Variants in GAREM1 observed in about 807,000 individuals in gnomAD.
GAREM1 encodes GRB2 associated regulator of MAPK1 subtype 1, also known as GRB2-associated and regulator of MAPK protein 1.
A neutral mutation model predicts 71.3 loss-of-function variants in GAREM1; 26 were observed. The observed-to-expected ratio is 0.36, with a 90% CI of 0.27 to 0.51. GAREM1 has a LOEUF of 0.51. Among genes scored for constraint, GAREM1 ranks in the 20% least tolerant of loss-of-function variants. The pLI is 0.95. For synonymous variants in GAREM1, 440 were observed against 433.2 expected, an observed-to-expected ratio of 1.02 and a Z score of -0.20; for missense variants, 1,026 against 1,103.1, an observed-to-expected ratio of 0.93 and a Z score of 0.99.
At chr18:32,434,931 G>A (rs1377531515) in intron 1 of GAREM1, among the ~76,000 whole-genome samples, 6 of 152,150 alleles carry the variant, frequency 3.9e-5, no homozygotes, top group Admixed American at 3.9e-4. Flanking sequence ...CACCCTAACC[G>A]ATAAGGAAAG....
intron 2 of GAREM1, among the ~76,000 whole-genome samples, chr18:32,378,186 A>G (rs1488259026): frequency 6.6e-6 from 1 of 151,976 alleles, no homozygotes; most frequent in African/African-American, 2.4e-5. Flanking sequence ...CAATCTACAT[A>G]TTGGGTTTTT....
At position 32,287,588 on chromosome 18, in the gene GAREM1, C is replaced by T. The variant is rs757369040; in HGVS notation, c.1009G>A (p.Asp337Asn). 14 of 1,614,064 alleles carry T rather than the reference C, an allele frequency of 8.7e-6. No homozygotes were observed. The South Asian group carries it at 9.9e-5, about 11-fold the overall frequency. ...LGICQEQFDI[D>N]EYSRAVRDVK... ...TCACGGACAGCCCGTGAATACTCAT[C>T]GATGTCGAACTGTTCTTGGCAGATA... The change falls in exon 4 of 6, where the codon GAT becomes AAT. Residue 337 changes from aspartate to asparagine, a missense_variant. This residue lies in a region of GAREM1 where 218 missense variants were observed against 296.8 expected (regional missense o/e 0.73). Transcript: ENST00000269209. The surrounding 1 kb of genome is among the most constrained non-coding windows in gnomAD (Gnocchi z 5.9).
intron 1 of GAREM1, among the ~76,000 whole-genome samples, chr18:32,439,015 G>A (rs888354422): frequency 7.2e-5 from 11 of 152,288 alleles, no homozygotes; most frequent in Non-Finnish European, 1.5e-4. Context: ...TGGAGGGGGC[G>A]TGGTATATAC....
intron 2 of GAREM1, among the ~76,000 whole-genome samples, chr18:32,378,065 G>GCGCGC (rs1567986715): frequency 1.6e-5 from 2 of 128,742 alleles, no homozygotes; most frequent in African/African-American, 5.9e-5. Context: ...TGTGCGCGCG[G>GCGCGC]GCGCTTTGGA....
In GAREM1 at chr18:32,293,617, T is replaced by C. The variant is rs1053409909; in HGVS notation, c.394-5414A>G. 1.1e-4 allele frequency among the ~76,000 whole-genome samples: 16 copies of C among 152,186 alleles called. 1 individual carries two copies. The highest frequency in any genetic ancestry group is 9.2e-4 in the Admixed American group (14 of 15,270). ...TAGTAAAGATCATTTTATATAAGAA[T>C]CATCAATAGATCCAAATTTATAGGA... is the stretch of plus-strand genomic sequence containing the variant. On this transcript the variant is annotated intron_variant, in intron 3 of 5. Transcript: ENST00000269209.
Position 32,287,633 on chromosome 18 carries a change from G to A in GAREM1, c.964C>T (p.Leu322=), listed in dbSNP as rs2047038266. ...CAGATACCTAGCCAGTGATGGACCA[G>A]GGTTTCGGGCCAGCTCTCTCCCTTC... ...LVKGESWPET[L]VHHWLGICQE... The change falls in exon 4 of 6, where the codon CTG becomes TTG. Residue 322 remains leucine (L), a synonymous_variant. Transcript: ENST00000269209. This position sits in a 1 kb window ranked among gnomAD's most constrained non-coding sequence, Gnocchi z 5.9. 6.2e-7 allele frequency: 1 copy of A among 1,614,220 alleles called. No individual in the cohort carries two copies.
At chr18:32,454,280 A>G (rs1029115227) in intron 1 of GAREM1, among the ~76,000 whole-genome samples, 1 of 152,150 alleles carries the variant, frequency 6.6e-6, no homozygotes, top group Non-Finnish European at 1.5e-5. Context: ...ACAATTTAGA[A>G]TGCCATCACT....
At chr18:32,298,898 T>C (rs1017001089) in intron 3 of GAREM1, among the ~76,000 whole-genome samples, 24 of 152,260 alleles carry the variant, frequency 1.6e-4, no homozygotes, top group Middle Eastern at 3.4e-3. Flanking sequence ...TGGATGAAAA[T>C]TGCATCAAGA....
At chr18:32,370,155 G>A (rs772945224) in intron 2 of GAREM1, among the ~76,000 whole-genome samples, 3 of 151,990 alleles carry the variant, frequency 2.0e-5, no homozygotes, top group East Asian at 1.9e-4. Flanking sequence ...AAGGTGGGCC[G>A]GGTGCGGTGG....
intron 2 of GAREM1, among the ~76,000 whole-genome samples, chr18:32,336,790 G>A (rs1351275167): frequency 6.6e-6 from 1 of 152,216 alleles, no homozygotes; most frequent in Non-Finnish European, 1.5e-5. Context: ...ATCGGAACAA[G>A]CATGGGCCTT....
chr18:32,378,444 GAACTGA>G (rs765084192), intron 2 of GAREM1, among the ~76,000 whole-genome samples: 38 of 146,488 alleles, frequency 2.6e-4, no homozygotes, highest in Non-Finnish European at 5.2e-4. Flanking sequence ...AGGTTGCAGT[GAACTGA>G]GATCACACCA....
chr18:32,387,864 A>C (rs1240159687), intron 2 of GAREM1, among the ~76,000 whole-genome samples: 2 of 152,182 alleles, frequency 1.3e-5, no homozygotes, highest in Non-Finnish European at 2.9e-5. Flanking sequence ...GATGTAACAC[A>C]TATCTTTAAA....
intron 4 of GAREM1, among the ~76,000 whole-genome samples, chr18:32,280,254 G>A (rs559745958): frequency 6.6e-6 from 1 of 152,260 alleles, no homozygotes; most frequent in South Asian, 2.1e-4. Flanking sequence ...TCAATTCTTA[G>A]CTACTTTCCA....
intron 1 of GAREM1, among the ~76,000 whole-genome samples, chr18:32,414,332 T>C (rs2048447302): frequency 6.6e-6 from 1 of 152,010 alleles, no homozygotes. Flanking sequence ...TAGATGAGTA[T>C]ACAGACCGAA....
chr18:32,388,528 G>A (rs145098108), intron 2 of GAREM1, among the ~76,000 whole-genome samples: 7 of 152,222 alleles, frequency 4.6e-5, no homozygotes, highest in African/African-American at 1.4e-4. Flanking sequence ...CAGAGAAACT[G>A]GACAATACGT....
chr18:32,348,258 A>G (rs1171678075), intron 2 of GAREM1, among the ~76,000 whole-genome samples: 1 of 152,200 alleles, frequency 6.6e-6, no homozygotes, highest in African/African-American at 2.4e-5. Flanking sequence ...GGTTTTGCCT[A>G]TGATTAACAA....
At chr18:32,388,430 T>G (rs1043096846) in intron 2 of GAREM1, among the ~76,000 whole-genome samples, 1 of 152,116 alleles carries the variant, frequency 6.6e-6, no homozygotes, top group African/African-American at 2.4e-5. Flanking sequence ...GGGGAGAAGA[T>G]TTAGGGAAAG....
chr18:32,363,968 A>T (rs1201375132), intron 2 of GAREM1, among the ~76,000 whole-genome samples: 1 of 116,772 alleles, frequency 8.6e-6, no homozygotes, highest in Non-Finnish European at 1.7e-5. Flanking sequence ...ATACATATAC[A>T]TACACAAATA....
At chr18:32,463,861 G>A (rs2048974776) in intron 1 of GAREM1, among the ~76,000 whole-genome samples, 1 of 151,774 alleles carries the variant, frequency 6.6e-6, no homozygotes, top group African/African-American at 2.4e-5. Flanking sequence ...GAGCCACTGC[G>A]CCCGGCCTAA....
Sources: allele counts gnomAD v4.1 joint callset (sites outside exome capture counted in the v4.1 genomes callset), GRCh38; gene constraint gnomAD v4.1.1; regional missense constraint gnomAD v4.1.1; non-coding constraint Gnocchi (gnomAD v3.1); transcripts MANE v1.5; gene names NCBI Gene and HGNC (gene_info 2026-07-23, HGNC 2026-07-21).